The following THAP9 variants were observed in gnomAD, a reference collection of about 807,000 sequenced individuals.
THAP9 encodes the protein THAP domain containing 9, also known as DNA transposase THAP9.
THAP9 carries 20 observed loss-of-function variants against 35.7 expected under a neutral mutation model. That is an observed-to-expected ratio of 0.56 (90% confidence interval 0.39 to 0.81). The LOEUF (loss-of-function observed/expected upper bound fraction) is 0.81. THAP9 is among the 40% of genes least tolerant of loss of function. The pLI is 0.00. For missense variants in THAP9, 870 were observed against 1,047.4 expected, an observed-to-expected ratio of 0.83 and a Z score of 2.34; for synonymous variants, 335 against 373.7, an observed-to-expected ratio of 0.90 and a Z score of 1.19.
intron 4 of THAP9, among the ~76,000 whole-genome samples, chr4:82,910,981 A>G (rs371654041): frequency 2.0e-5 from 3 of 152,250 alleles, no homozygotes; most frequent in East Asian, 3.9e-4. Flanking sequence ...TCTTCCATGG[A>G]GTTTTGCTAT....
chr4:82,902,872 C>T (rs925171710), intron 1 of THAP9, among the ~76,000 whole-genome samples: 4 of 152,206 alleles, frequency 2.6e-5, no homozygotes, highest in Non-Finnish European at 5.9e-5. Flanking sequence ...GCCTCATACA[C>T]TCTTACTACA....
Position 82,906,419 on chromosome 4 carries a change from T to C in THAP9, c.372T>C (p.His124=), listed in dbSNP as rs1312786346. The part of the protein sequence containing the change: ...DNSQEVATED[H]NYSLKTPLTI... ...CTCAAGAAGTTGCTACTGAGGACCA[T>C]AACTATAGTTTAAAGACACCTTTGA... Residue 124 remains histidine (H), a synonymous_variant, in exon 3 of 5, where the codon CAT becomes CAC. Coordinates refer to ENST00000302236, the MANE Select transcript of THAP9 (RefSeq NM_024672.6). 4 of 1,613,670 alleles carry C rather than the reference T, an allele frequency of 2.5e-6. No individual in the cohort carries two copies. The highest frequency in any genetic ancestry group is 1.3e-5 in the African/African-American group (1 of 74,884).
rs774384909 is a variant in THAP9 at position 82,907,987 on chromosome 4, C to A, written c.731+52C>A. 6 of 1,526,282 alleles carry A rather than the reference C, an allele frequency of 3.9e-6. 1 individual carries two copies. In the Admixed American group the frequency reaches 5.4e-5, roughly 14 times the overall value. 94.5% of individuals were successfully genotyped at this position (1,526,282 alleles called of 1,614,324 possible). On this transcript the variant is annotated intron_variant, in intron 4 of 4. Transcript: ENST00000302236. Reference sequence around the variant, plus strand: ...AAAAGTGACTTTCTTGTCAGGACATCTTGTTGATTGCATGTTAATTACTCT... The same window carrying A: ...AAAAGTGACTTTCTTGTCAGGACATATTGTTGATTGCATGTTAATTACTCT...
chr4:82,905,722 T>C (rs527340149), intron 2 of THAP9: 4 of 377,266 alleles, frequency 1.1e-5, no homozygotes, highest in African/African-American at 8.5e-5. Context: ...ATTTGCTTGC[T>C]TTCATACTTT....
chr4:82,901,952 G>A (rs1041861029), intron 1 of THAP9, among the ~76,000 whole-genome samples: 1 of 152,090 alleles, frequency 6.6e-6, no homozygotes, highest in Non-Finnish European at 1.5e-5. Flanking sequence ...AACCTGCCTT[G>A]TAGAATTTTG....
chr4:82,911,499 C>G lies in THAP9; in HGVS notation c.731+3564C>G, dbSNP rs550996167. On this transcript the variant is annotated intron_variant, in intron 4 of 4. Coordinates refer to ENST00000302236, the MANE Select transcript of THAP9 (RefSeq NM_024672.6). ...GTCCCAGCTACTCGGGAGGCTGAGG[C>G]AGGAGAATGGTGTAAACCCAGGAGG... Among the ~76,000 whole-genome samples, 16 of 152,184 alleles carry G rather than the reference C, an allele frequency of 1.1e-4. No homozygotes were observed. The East Asian group carries it at 2.9e-3, about 28-fold the overall frequency.
chr4:82,917,159 C>T lies in THAP9; in HGVS notation c.947C>T (p.Pro316Leu), dbSNP rs1721060316. The T allele has an allele frequency of 6.2e-7, 1 of 1,613,458 alleles. No individual in the cohort carries two copies. Among genetic ancestry groups the T allele is most frequent in the Non-Finnish European group, 8.5e-7 (1 of 1,179,652 alleles). The change falls in exon 5 of 5, where the codon CCA (proline) becomes CTA (leucine). Residue 316 changes from proline (P) to leucine (L), a missense_variant. Around this residue, in one of 3 missense-constraint regions of THAP9, gnomAD observed 440 missense variants for 501.2 expected, o/e 0.88. Transcript: ENST00000302236. ...GGAAAACTTGATGCTGATGAAACGC[C>T]ACTTGCTTCAGAAACTGTTTTGTTA... Reference protein sequence around the residue: ...GLGKLDADETPLASETVLLMA... With the variant: ...GLGKLDADETLLASETVLLMA...
chr4:82,906,136 C>CAAAA (rs11444044), intron 2 of THAP9, among the ~76,000 whole-genome samples, 188 bp from the exon 3 acceptor site: 1 of 142,378 alleles, frequency 7.0e-6, no homozygotes. Flanking sequence ...CTGTGTAGTG[C>CAAAA]AAAAAAAAAA....
At chr4:82,910,752 G>A (rs777376439) in intron 4 of THAP9, 2 of 480,186 alleles carry the variant, frequency 4.2e-6, no homozygotes, top group Non-Finnish European at 8.0e-6. Flanking sequence ...TGGAAGCCAA[G>A]TGTAGAAAGT....
chr4:82,901,230 G>A, intron 1 of THAP9: 2 of 529,050 alleles, frequency 3.8e-6, no homozygotes, highest in South Asian at 3.1e-5. Flanking sequence ...TGTGTGTGGC[G>A]TCTTCCTGAG....
At chr4:82,903,801 T>C (rs1422080332) in intron 1 of THAP9, among the ~76,000 whole-genome samples, 1 of 152,162 alleles carries the variant, frequency 6.6e-6, no homozygotes, top group Non-Finnish European at 1.5e-5. Flanking sequence ...TCACCTGCTT[T>C]CAAAAAGACT....
intron 4 of THAP9, among the ~76,000 whole-genome samples, chr4:82,908,603 T>G (rs1166757034): frequency 6.6e-6 from 1 of 152,260 alleles, no homozygotes; most frequent in Non-Finnish European, 1.5e-5. Context: ...CTTTTTTTGT[T>G]TTGGAGACTG....
intron 2 of THAP9, 125 bp from the exon 3 acceptor site, chr4:82,906,199 A>G: frequency 1.3e-6 from 1 of 767,036 alleles, no homozygotes; most frequent in Non-Finnish European, 2.0e-6. Flanking sequence ...AGAGATTATG[A>G]CCTTTTCTTT....
chr4:82,900,911 C>G, intron 1 of THAP9, 29 bp downstream of exon 1: 1 of 1,611,220 alleles, frequency 6.2e-7, no homozygotes, highest in Non-Finnish European at 8.5e-7. Context: ...TCGAAGCCTT[C>G]GAACTCCCTG....
Position 82,917,660 on chromosome 4 carries a change from G to C in THAP9, c.1448G>C (p.Ser483Thr), listed in dbSNP as rs1339804499. The C allele has an allele frequency of 3.1e-6, 5 of 1,613,596 alleles. No individual in the cohort carries two copies. Among genetic ancestry groups the C allele is most frequent in the Non-Finnish European group, 4.2e-6 (5 of 1,179,712 alleles). ...GTGAATAGTGCCACCCAACTCTTTA[G>C]TGAGAGTGTAGCCAGTGCATTAGAA... Reference protein sequence around the residue: ...LKVNSATQLFSESVASALEYL... With the variant: ...LKVNSATQLFTESVASALEYL... Residue 483 changes from serine (S) to threonine (T), a missense_variant, in exon 5 of 5, where the codon AGT becomes ACT. Transcript: ENST00000302236.
At chr4:82,910,671 T>A (rs1221794751) in intron 4 of THAP9, 5 of 551,802 alleles carry the variant, frequency 9.1e-6, no homozygotes, top group South Asian at 1.9e-5. Flanking sequence ...TATTTAATAT[T>A]TATTCAATAA....
chr4:82,917,470 A>C lies in THAP9; in HGVS notation c.1258A>C (p.Arg420=), dbSNP rs908933868. Residue 420 remains arginine, a synonymous_variant, in exon 5 of 5, where the codon AGA becomes CGA. Coordinates refer to ENST00000302236, the MANE Select transcript of THAP9 (RefSeq NM_024672.6). The part of the protein sequence containing the change: ...AYFFDSCHLL[R]LIRNAFQNFQ... ...CTTCTTTGACTCTTGCCACTTGCTA[A>C]GATTAATAAGAAATGCATTTCAGAA... 1 of 1,613,874 alleles carries C rather than the reference A, an allele frequency of 6.2e-7. No individual in the cohort carries two copies. The highest frequency in any genetic ancestry group is 8.5e-7 in the Non-Finnish European group (1 of 1,179,744).
At chr4:82,901,672 TTAGAGTATGTATGG>T (rs72039926) in intron 1 of THAP9, among the ~76,000 whole-genome samples, 28,040 of 151,886 alleles carry the variant, frequency 0.18, 2,766 homozygotes, top group South Asian at 0.32. Context: ...GTTAAGGAGT[TTAGAGTATGTATGG>T]TAGGCTATGT....
chr4:82,903,890 A>T (rs921685640), intron 1 of THAP9, among the ~76,000 whole-genome samples: 6 of 152,178 alleles, frequency 3.9e-5, no homozygotes, highest in Non-Finnish European at 8.8e-5. Flanking sequence ...ATAACATGCC[A>T]GATACCTTAC....
Sources: allele counts gnomAD v4.1 joint callset (sites outside exome capture counted in the v4.1 genomes callset), GRCh38; gene constraint gnomAD v4.1.1; regional missense constraint gnomAD v4.1.1; transcripts MANE v1.5; gene names NCBI Gene and HGNC (gene_info 2026-07-23, HGNC 2026-07-21).